Variants in CP observed in about 807,000 individuals in gnomAD.
CP encodes the protein caeruloplasmin.
A neutral mutation model predicts 122.4 loss-of-function variants in CP; 64 were observed. The ratio of observed to expected loss-of-function variants is 0.52; its 90% CI spans 0.43 to 0.64. The LOEUF is 0.64. CP is among the 30% of genes least tolerant of loss of function. The pLI is 0.00. For synonymous variants in CP, 440 were observed against 436.4 expected, an observed-to-expected ratio of 1.01 and a Z score of -0.10; for missense variants, 1,167 against 1,284.4, an observed-to-expected ratio of 0.91 and a Z score of 1.40.
At chr3:149,181,973 T>TGCCGGGGGGGG in intron 14 of CP, 32 bp downstream of exon 14, 1 of 1,375,574 alleles carries the variant, frequency 7.3e-7, no homozygotes, top group Non-Finnish European at 1.0e-6. Flanking sequence ...CCTGTTAAAA[T>TGCCGGGGGGGG]GCACCACCCC....
chr3:149,209,243 T>C lies in CP; in HGVS notation c.749A>G (p.Asn250Ser). 1 of 1,613,822 alleles carries C rather than the reference T, an allele frequency of 6.2e-7. No individual in the cohort carries two copies. Among genetic ancestry groups the C allele is most frequent in the Non-Finnish European group, 8.5e-7 (1 of 1,179,772 alleles). Reference sequence around the variant, plus strand: ...TCTGTTACTCTCCTGGAAGTCTTCGTTGTCTTTGTCAACTTTCTCTGGTTC... The same window carrying C: ...TCTGTTACTCTCCTGGAAGTCTTCGCTGTCTTTGTCAACTTTCTCTGGTTC... ...CSEPEKVDKD[N>S]EDFQESNRMY... The change falls in exon 4 of 19, where the codon AAC (asparagine) becomes AGC (serine). Residue 250 changes from asparagine (N) to serine (S), a missense_variant. Physicochemically the swap from Asn to Ser is conservative, Grantham distance 46 (BLOSUM62 1). Around this residue, in one of 2 missense-constraint regions of CP, gnomAD observed 642 missense variants for 627.3 expected, o/e 1.02. Coordinates refer to ENST00000264613, the MANE Select transcript of CP (RefSeq NM_000096.4).
chr3:149,176,568 G>T, intron 17 of CP, 156 bp from the exon 18 acceptor site: 1 of 641,948 alleles, frequency 1.6e-6, no homozygotes, highest in South Asian at 1.9e-5. Context: ...GGTAAAATGT[G>T]GTTTTTGTAT....
In CP at chr3:149,186,609, T is replaced by C. The variant is rs771184384; in HGVS notation, c.1988A>G (p.Asn663Ser). The stretch of plus-strand genomic sequence containing the variant: ...CCGTTCTCCTCTCCACAGATATGTG[T>C]TTCCTGAAAAGTATATTCCATGTAC... ...ADVHGIYFSG[N>S]TYLWRGERRD... The change falls in exon 11 of 19, where the codon AAC becomes AGC. Residue 663 changes from asparagine to serine, a missense_variant. By Grantham distance (46) the Asn-to-Ser change is conservative. Coordinates refer to ENST00000264613, the MANE Select transcript of CP (RefSeq NM_000096.4). 1 of 1,614,092 alleles carries C rather than the reference T, an allele frequency of 6.2e-7. No individual in the cohort carries two copies. The highest frequency in any genetic ancestry group is 8.5e-7 in the Non-Finnish European group (1 of 1,180,026).
intron 11 of CP, chr3:149,186,011 C>T (rs577813031): frequency 1.7e-5 from 3 of 177,424 alleles, no homozygotes; most frequent in African/African-American, 7.2e-5. Flanking sequence ...CATATTTTCA[C>T]ATTTTGATTA....
chr3:149,220,219 A>G (rs1728716137), intron 1 of CP, among the ~76,000 whole-genome samples: 1 of 152,172 alleles, frequency 6.6e-6, no homozygotes, highest in South Asian at 2.1e-4. Context: ...AAGCATATTC[A>G]GGGCAATGTC....
chr3:149,198,256 G>C (rs552734250), intron 9 of CP, 111 bp downstream of exon 9: 4 of 802,108 alleles, frequency 5.0e-6, no homozygotes, highest in African/African-American at 3.4e-5. Flanking sequence ...TCTTTTAAAG[G>C]TATATACTAA....
intron 14 of CP, among the ~76,000 whole-genome samples, chr3:149,181,081 C>T (rs912243899): frequency 4.6e-5 from 7 of 152,118 alleles, no homozygotes; most frequent in Admixed American, 6.5e-5. Flanking sequence ...TCTGTCCTTG[C>T]CCCCTTAGGG....
intron 8 of CP, among the ~76,000 whole-genome samples, chr3:149,199,234 A>G (rs953090737): frequency 1.6e-4 from 25 of 152,172 alleles, no homozygotes; most frequent in African/African-American, 5.3e-4. Context: ...AAATTAAAAT[A>G]ACATTTATTT....
In CP at chr3:149,179,654, G is replaced by A. The variant is rs748539073; in HGVS notation, c.2563C>T (p.Leu855Phe). ...TVTPTLPGETLTYVWKIPERS... is the reference protein window; with the variant it reads ...TVTPTLPGETFTYVWKIPERS... The stretch of plus-strand genomic sequence containing the variant: ...TCTGGGATTTTCCATACGTAAGTGA[G>A]AGTTTCACCTAAATTCATCAAGTGT... Residue 855 changes from leucine to phenylalanine, a missense_variant, in exon 15 of 19, where the codon CTC (leucine) becomes TTC (phenylalanine). Physicochemically the swap from Leu to Phe is conservative, Grantham distance 22. Transcript: ENST00000264613. 2.5e-6 allele frequency: 4 copies of A among 1,611,974 alleles called. No homozygotes were observed. Among genetic ancestry groups the A allele is most frequent in the Admixed American group, 3.3e-5 (2 of 59,962 alleles).
intron 14 of CP, among the ~76,000 whole-genome samples, chr3:149,181,005 CGAT>C (rs58614217): frequency 7.3e-5 from 11 of 151,348 alleles, no homozygotes; most frequent in South Asian, 2.1e-4. Flanking sequence ...TTCCAAATCT[CGAT>C]GATGATGATG....
chr3:149,212,823 T>C (rs970824958), intron 1 of CP, 125 bp from the exon 2 acceptor site: 1 of 1,198,570 alleles, frequency 8.3e-7, no homozygotes, highest in Admixed American at 2.4e-5. Context: ...GTTTGCCTGT[T>C]GTAGGGATGC....
At chr3:149,163,924 A>G (rs527824858) in intron 5 of CP, 1 of 1,544,532 alleles carries the variant, frequency 6.5e-7, no homozygotes, top group Admixed American at 1.7e-5. Flanking sequence ...GATAAAAATT[A>G]TACAGAAGAT....
In CP at chr3:149,178,111, A is replaced by T; in HGVS notation, c.2879-132T>A. On this transcript the variant is annotated intron_variant, in intron 16 of 18. Transcript: ENST00000264613. ...AATAGGACTTATTTTACTACAAATG[A>T]GAGAAATGGATACTTTAAAGTCAAT... is the stretch of plus-strand genomic sequence containing the variant. 4.7e-6 allele frequency: 4 copies of T among 851,194 alleles called. No homozygotes were observed. The South Asian group carries it at 6.0e-5, about 13-fold the overall frequency. The allele number at this position is 851,194 out of a possible 1,614,324, so 52.7% of individuals were successfully genotyped here. A position where few individuals can be genotyped will look rare whatever the true frequency, so the allele number is the denominator to read the frequency against.
At chr3:149,210,143 A>G (rs2108296422) in intron 3 of CP, 24 bp downstream of exon 3, 2 of 1,609,228 alleles carry the variant, frequency 1.2e-6, no homozygotes, top group South Asian at 1.1e-5. Flanking sequence ...GTCATATAGC[A>G]TGTGCAATAA....
chr3:149,214,712 G>A lies in CP; in HGVS notation c.147-2014C>T, dbSNP rs118070204. On this transcript the variant is annotated intron_variant, in intron 1 of 18. Coordinates refer to ENST00000264613, the MANE Select transcript of CP (RefSeq NM_000096.4). ...GGGAGAGACTTCATGGACACAGGTA[G>A]GCATGGGAAAAGGGCAAGACACTGG... 2.4e-4 allele frequency among the ~76,000 whole-genome samples: 37 copies of A among 152,264 alleles called. No individual in the cohort carries two copies. In the East Asian group the frequency reaches 6.4e-3, roughly 26 times the overall value.
intron 6 of CP, among the ~76,000 whole-genome samples, chr3:149,204,644 T>C (rs772875036): frequency 1.2e-4 from 19 of 152,200 alleles, no homozygotes; most frequent in Non-Finnish European, 2.2e-4. Flanking sequence ...TATTGTGTGA[T>C]GTTGGATGAA....
At chr3:149,195,065 G>A (rs1270486117) in intron 9 of CP, among the ~76,000 whole-genome samples, 1 of 152,122 alleles carries the variant, frequency 6.6e-6, no homozygotes, top group Non-Finnish European at 1.5e-5. Flanking sequence ...GCAAAGTTTA[G>A]CTTTTTTGTG....
intron 13 of CP, among the ~76,000 whole-genome samples, chr3:149,182,780 C>G (rs1382932387): frequency 1.3e-5 from 2 of 151,956 alleles, no homozygotes; most frequent in Non-Finnish European, 2.9e-5. Flanking sequence ...TGTAATTAAT[C>G]ATTTATATTT....
intron 7 of CP, among the ~76,000 whole-genome samples, chr3:149,201,066 A>G (rs931159458): frequency 1.3e-5 from 2 of 152,092 alleles, no homozygotes; most frequent in Non-Finnish European, 2.9e-5. Flanking sequence ...CAGCCTGCGG[A>G]GGGCTCTAGG....
Sources: gnomAD v4.1 joint callset for allele counts (sites outside exome capture counted in the v4.1 genomes callset) on GRCh38, gnomAD v4.1.1 for gene constraint, gnomAD v4.1.1 regional missense constraint, MANE v1.5 for transcripts, NCBI Gene and HGNC (gene_info 2026-07-23, HGNC 2026-07-21) for gene names.